Variants in BRSK2 observed in about 807,000 individuals in gnomAD.
BRSK2 encodes BR serine/threonine kinase 2.
A neutral mutation model predicts 83.3 loss-of-function variants in BRSK2; 19 were observed. That is an observed-to-expected ratio of 0.23 (90% CI 0.16 to 0.33). The LOEUF is 0.33. Ranked by LOEUF, BRSK2 falls within the 10% of genes least tolerant of loss-of-function variation. BRSK2 has a pLI of 1.00. For missense variants in BRSK2, 798 were observed against 1,042.3 expected, an observed-to-expected ratio of 0.77 and a Z score of 3.23; for synonymous variants, 519 against 435.4, an observed-to-expected ratio of 1.19 and a Z score of -2.39.
chr11:1,427,089 A>C (rs1482494016), intron 1 of BRSK2, among the ~76,000 whole-genome samples: 1 of 152,138 alleles, frequency 6.6e-6, no homozygotes, highest in Non-Finnish European at 1.5e-5. Flanking sequence ...GTCCAGCCCT[A>C]GGCTGGCTTG....
intron 12 of BRSK2, chr11:1,447,975 C>T (rs1852383108): frequency 2.7e-6 from 3 of 1,093,202 alleles, no homozygotes; most frequent in South Asian, 2.7e-5. Flanking sequence ...TGCAGGGCTC[C>T]TGCTGCGGTG....
chr11:1,459,576 C>CGGATAA (rs1847146135), intron 19 of BRSK2: 1 of 354,664 alleles, frequency 2.8e-6, no homozygotes, highest in East Asian at 5.5e-5. Context: ...GGCCGGTGCC[C>CGGATAA]ATCCCTCTGT....
chr11:1,403,183 A>T (rs896649509), intron 1 of BRSK2, among the ~76,000 whole-genome samples: 2 of 151,746 alleles, frequency 1.3e-5, no homozygotes, highest in Non-Finnish European at 2.9e-5. Context: ...GTGTCACGCT[A>T]CCCTTCCCCT....
chr11:1,398,924 G>C (rs1846292452), intron 1 of BRSK2, among the ~76,000 whole-genome samples: 1 of 152,216 alleles, frequency 6.6e-6, no homozygotes, highest in African/African-American at 2.4e-5. Flanking sequence ...CTGGGGCGGA[G>C]ACTGGCCCTT....
chr11:1,421,253 C>T (rs1324710374), intron 1 of BRSK2, among the ~76,000 whole-genome samples: 1 of 152,192 alleles, frequency 6.6e-6, no homozygotes, highest in Non-Finnish European at 1.5e-5. Context: ...CCAGGCACGT[C>T]TGGGGTCACA....
intron 12 of BRSK2, among the ~76,000 whole-genome samples, chr11:1,446,901 G>C (rs537640358): frequency 3.4e-3 from 513 of 152,266 alleles, no homozygotes; most frequent in African/African-American, 0.012. Context: ...TGGAGATGTG[G>C]GGGGTGGGAC....
chr11:1,392,467 A>C (rs1845787523), intron 1 of BRSK2, among the ~76,000 whole-genome samples: 1 of 152,090 alleles, frequency 6.6e-6, no homozygotes. Flanking sequence ...CTCTCTGTTC[A>C]TCTCTCTCAG....
At chr11:1,409,094 A>G (rs1847143452) in intron 1 of BRSK2, among the ~76,000 whole-genome samples, 1 of 151,774 alleles carries the variant, frequency 6.6e-6, no homozygotes, top group East Asian at 2.0e-4. Context: ...GGGTGTGTGT[A>G]CACACATCTG....
rs191947014 is a variant in BRSK2, at chr11:1,396,055, C to G, written c.91+5680C>G. 2.1e-3 allele frequency among the ~76,000 whole-genome samples: 319 copies of G among 152,302 alleles called. 2 individuals are homozygous for G. The highest frequency in any genetic ancestry group is 7.4e-3 in the African/African-American group (308 of 41,562). On this transcript the variant is annotated intron_variant, in intron 1 of 19. Transcript: ENST00000528841. ...CTGCCCACGACCCAAGCTCCAGGGC[C>G]TCTGGGTCCCCACCATCGTTGGCTG...
In BRSK2 at chr11:1,461,001, C is replaced by A; in HGVS notation, c.*278C>A. The A allele has an allele frequency of 6.2e-7, 1 of 1,612,252 alleles. No individual in the cohort carries two copies. Among genetic ancestry groups the A allele is most frequent in the Non-Finnish European group, 8.5e-7 (1 of 1,179,392 alleles). ...TCCCGAAAAGTTAACATGTCACCTC[C>A]ACGAGGCCATCCTCTGTGACCGAAG... On this transcript the variant is annotated 3_prime_UTR_variant, in exon 20 of 20. Coordinates refer to ENST00000528841, the MANE Select transcript of BRSK2 (RefSeq NM_001256627.2).
intron 3 of BRSK2, among the ~76,000 whole-genome samples, chr11:1,440,039 T>A (rs1850982092): frequency 6.6e-6 from 1 of 152,130 alleles, no homozygotes; most frequent in African/African-American, 2.4e-5. Context: ...TGCCACCCCC[T>A]TGGCTGTACA....
At chr11:1,413,204 G>C (rs1343221752) in intron 1 of BRSK2, among the ~76,000 whole-genome samples, 1 of 152,126 alleles carries the variant, frequency 6.6e-6, no homozygotes, top group African/African-American at 2.4e-5. Context: ...GGGGGCTTCT[G>C]CCTCCCAGAC....
At chr11:1,417,052 G>A (rs553586689) in intron 1 of BRSK2, among the ~76,000 whole-genome samples, 36 of 152,234 alleles carry the variant, frequency 2.4e-4, no homozygotes, top group Middle Eastern at 3.4e-3. Flanking sequence ...CCAGCCACTC[G>A]GGAGGCTGAG....
At chr11:1,446,291 A>G (rs1590619662) in intron 12 of BRSK2, among the ~76,000 whole-genome samples, 1 of 134,086 alleles carries the variant, frequency 7.5e-6, no homozygotes, top group Non-Finnish European at 1.6e-5. Context: ...GGCTGGGCTG[A>G]GCTGGGCTGA....
Position 1,461,255 on chromosome 11 carries a change from CCCT to C in BRSK2, c.*533_*535del, listed in dbSNP as rs1847467358. Reference sequence around the variant, plus strand: ...CCTGGTGGCCTTCTGGGGCCAGGACCCCTGGTGGGCAACGTAGCCACAGGAACA... The same window carrying C: ...CCTGGTGGCCTTCTGGGGCCAGGACCGGTGGGCAACGTAGCCACAGGAACA... On this transcript the variant is annotated 3_prime_UTR_variant, in exon 20 of 20. Coordinates refer to ENST00000528841, the MANE Select transcript of BRSK2 (RefSeq NM_001256627.2). 3.5e-6 allele frequency: 2 copies of C among 564,228 alleles called. No individual in the cohort carries two copies. Among genetic ancestry groups the C allele is most frequent in the Non-Finnish European group, 3.1e-6 (1 of 324,916 alleles). The allele number at this position is 564,228 out of a possible 1,614,324, so 35.0% of individuals were successfully genotyped here. A position where few individuals can be genotyped will look rare whatever the true frequency, so the allele number is the denominator to read the frequency against.
intron 12 of BRSK2, chr11:1,447,955 C>A: frequency 7.9e-7 from 1 of 1,269,996 alleles, no homozygotes; most frequent in Non-Finnish European, 1.1e-6. Flanking sequence ...GGTCTGGTGG[C>A]GGGCTGGGCT....
At chr11:1,447,752 C>A (rs773292697) in intron 12 of BRSK2, 3 of 1,565,254 alleles carry the variant, frequency 1.9e-6, no homozygotes, top group African/African-American at 2.7e-5. Flanking sequence ...CCTGTGCCCG[C>A]GTGTGGCCGT....
At chr11:1,434,748 C>G (rs963954252) in intron 1 of BRSK2, among the ~76,000 whole-genome samples, 20 of 152,026 alleles carry the variant, frequency 1.3e-4, no homozygotes, top group Non-Finnish European at 2.5e-4. Flanking sequence ...TCTGGGCGCA[C>G]CTAGGATTGG....
At chr11:1,401,166 A>G (rs2134048618) in intron 1 of BRSK2, among the ~76,000 whole-genome samples, 1 of 152,334 alleles carries the variant, frequency 6.6e-6, no homozygotes, top group South Asian at 2.1e-4. Flanking sequence ...CCCACTCCGC[A>G]GGCCTCTAGG....
Sources: gnomAD v4.1 joint callset for allele counts (sites outside exome capture counted in the v4.1 genomes callset) on GRCh38, gnomAD v4.1.1 for gene constraint, MANE v1.5 for transcripts, NCBI Gene and HGNC (gene_info 2026-07-23, HGNC 2026-07-21) for gene names.